The following NBEAL2 variants were observed in gnomAD, a reference collection of about 807,000 sequenced individuals.
The protein encoded by NBEAL2 is neurobeachin-like protein 2.
A neutral mutation model predicts 299.8 loss-of-function variants in NBEAL2; 160 were observed. That is an observed-to-expected ratio of 0.53 (90% confidence interval 0.47 to 0.61). The LOEUF is 0.61. Among genes scored for constraint, NBEAL2 ranks in the 20% least tolerant of loss-of-function variants. The pLI is 0.00. For synonymous variants in NBEAL2, 1,493 were observed against 1,542.3 expected, an observed-to-expected ratio of 0.97 and a Z score of 0.75; for missense variants, 3,112 against 3,649.0, an observed-to-expected ratio of 0.85 and a Z score of 3.79.
In NBEAL2 at chr3:47,007,661, C is replaced by A; in HGVS notation, c.7471C>A (p.Arg2491Ser). 2 of 1,610,066 alleles carry A rather than the reference C, an allele frequency of 1.2e-6. No homozygotes were observed. The highest frequency in any genetic ancestry group is 2.2e-5 in the East Asian group (1 of 44,694). The change falls in exon 48 of 54, where the codon CGT becomes AGT. Residue 2491 changes from arginine to serine, a missense_variant. Coordinates refer to ENST00000450053, the MANE Select transcript of NBEAL2 (RefSeq NM_015175.3). The part of the protein sequence containing the change: ...DGSLRVTALP[R>S]GKLLSQLSCH... ...CAGCCTGCGGGTGACTGCACTACCC[C>A]GTGGCAAGCTGTTGAGCCAGCTCAG...
Position 47,000,503 on chromosome 3 carries a change from T to A in NBEAL2, c.4305+99T>A. The A allele has an allele frequency of 1.4e-6, 2 of 1,455,904 alleles. No homozygotes were observed. Among genetic ancestry groups the A allele is most frequent in the Middle Eastern group, 1.9e-4 (1 of 5,266 alleles). 90.2% of individuals were successfully genotyped at this position (1,455,904 alleles called of 1,614,324 possible). On this transcript the variant is annotated intron_variant, in intron 27 of 53. Transcript: ENST00000450053. This position sits in a 1 kb window ranked among gnomAD's most constrained non-coding sequence, Gnocchi z 4.5. ...TAGCCTCTCCAAAGGTGTGGCCCTG[T>A]CTGACCAGGGTTGCAGCCACTGGTC...
At position 47,008,655 on chromosome 3, in the gene NBEAL2, C is replaced by G. The variant is rs776638505; in HGVS notation, c.8014C>G (p.Leu2672Val). 2.2e-5 allele frequency: 35 copies of G among 1,613,174 alleles called. No homozygotes were observed. Among genetic ancestry groups the G allele is most frequent in the South Asian group, 5.5e-5 (5 of 91,074 alleles). Residue 2672 changes from leucine (L) to valine (V), a missense_variant, in exon 52 of 54, where the codon CTC (leucine) becomes GTC (valine). Physicochemically the swap from Leu to Val is conservative, Grantham distance 32 (BLOSUM62 1). Around this residue, in one of 3 missense-constraint regions of NBEAL2, gnomAD observed 348 missense variants for 381.4 expected, o/e 0.91. Transcript: ENST00000450053. ...LGTAQCALHI[L>V]QLNTLLPAAP... Reference sequence around the variant, plus strand: ...CACCGCCCAGTGCGCCCTGCACATCCTCCAACTAAACACGTAAGCCCCCCA... The same window carrying G: ...CACCGCCCAGTGCGCCCTGCACATCGTCCAACTAAACACGTAAGCCCCCCA...
chr3:47,002,245 CT>C lies in NBEAL2; in HGVS notation c.5113del (p.Cys1705ValfsTer45). On this transcript the variant is annotated frameshift_variant, in exon 31 of 54. Transcript: ENST00000450053. LOFTEE classifies it high-confidence loss of function. Reference protein sequence around the residue: ...GSPTFFEDFQAFCATPEWRHF... With the variant: ...GSPTFFEDFQXFCATPEWRHF... The stretch of plus-strand genomic sequence containing the variant: ...CCCACCTTCTTTGAAGACTTCCAGG[CT>C]TTTTGTGCCACACCCGAATGGCGCC... 6.4e-7 allele frequency: 1 copy of C among 1,553,034 alleles called. No individual in the cohort carries two copies. Among genetic ancestry groups the C allele is most frequent in the Non-Finnish European group, 8.7e-7 (1 of 1,148,018 alleles).
chr3:46,991,157 C>A lies in NBEAL2; in HGVS notation c.557-62C>A, dbSNP rs2036052684. 7.0e-7 allele frequency: 1 copy of A among 1,421,702 alleles called. No homozygotes were observed. Among genetic ancestry groups the A allele is most frequent in the African/African-American group, 1.4e-5 (1 of 70,368 alleles). The allele number at this position is 1,421,702 out of a possible 1,614,324, so 88.1% of individuals were successfully genotyped here. A position where few individuals can be genotyped will look rare whatever the true frequency, so the allele number is the denominator to read the frequency against. The stretch of plus-strand genomic sequence containing the variant: ...CCCAGGGCACTCACCTCTTGTGCAG[C>A]CCCCTGGGTCCATAGCCCTGCAACC... On this transcript the variant is annotated intron_variant, in intron 6 of 53. Coordinates refer to ENST00000450053, the MANE Select transcript of NBEAL2 (RefSeq NM_015175.3). This position sits in a 1 kb window ranked among gnomAD's most constrained non-coding sequence, Gnocchi z 6.2.
chr3:47,001,484 A>T lies in NBEAL2; in HGVS notation c.4644+46A>T, dbSNP rs1001152771. On this transcript the variant is annotated intron_variant, in intron 29 of 53. Coordinates refer to ENST00000450053, the MANE Select transcript of NBEAL2 (RefSeq NM_015175.3). The surrounding 1 kb of genome is among the most constrained non-coding windows in gnomAD (Gnocchi z 6.1). ...GTGAGCCACATGAACACTCATGTTC[A>T]TGCAAGCCTGCAGGGATCTGGTCTG... 1.1e-5 allele frequency: 17 copies of T among 1,592,290 alleles called. No homozygotes were observed. Among genetic ancestry groups the T allele is most frequent in the African/African-American group, 1.3e-5 (1 of 74,430 alleles).
At position 47,002,686 on chromosome 3, in the gene NBEAL2, G is replaced by A. The variant is rs770415993; in HGVS notation, c.5343G>A (p.Glu1781=). Residue 1781 remains glutamate (E), a synonymous_variant, in exon 33 of 54, where the codon GAG becomes GAA. Transcript: ENST00000450053. The part of the protein sequence containing the change: ...LEPAQRRARL[E]GLRYTAVLKQ... ...CTGCGCAGAGGCGGGCGCGCCTGGA[G>A]GGGCTACGCTACACGGCAGTGCTGA... 9.3e-6 allele frequency: 15 copies of A among 1,605,220 alleles called. No homozygotes were observed. In the East Asian group the frequency reaches 2.9e-4, roughly 31 times the overall value.
In NBEAL2 at chr3:47,002,484, C is replaced by T. The variant is rs1377728890; in HGVS notation, c.5265C>T (p.Arg1755=). ...YDMLMSSGQR[R]QWERAQSRRA... ...TGCTTATGAGCAGTGGGCAGCGGCG[C>T]CAGTGGGAGCGCGCCCAGAGTCGTC... Residue 1755 remains arginine, a synonymous_variant, in exon 32 of 54, where the codon CGC becomes CGT. Coordinates refer to ENST00000450053, the MANE Select transcript of NBEAL2 (RefSeq NM_015175.3). The T allele has an allele frequency of 6.2e-7, 1 of 1,613,024 alleles. No homozygotes were observed. The highest frequency in any genetic ancestry group is 1.7e-5 in the Admixed American group (1 of 60,028).
rs2037410248 is a variant in NBEAL2, at chr3:47,005,958, G to A, written c.6814G>A (p.Val2272Met). ...QHRQALESEY[V>M]SAHLHEWIDL... ...TCCCTACTCTCAGGAGTCGGAGTAT[G>A]TGTCTGCACACCTACACGAGTGGAT... is the stretch of plus-strand genomic sequence containing the variant. Residue 2272 changes from valine (V) to methionine (M), a missense_variant, in exon 43 of 54, where the codon GTG becomes ATG. Coordinates refer to ENST00000450053, the MANE Select transcript of NBEAL2 (RefSeq NM_015175.3). 3.7e-6 allele frequency: 6 copies of A among 1,613,618 alleles called. No individual in the cohort carries two copies. The highest frequency in any genetic ancestry group is 1.7e-5 in the Admixed American group (1 of 60,018).
In NBEAL2 at chr3:46,989,582, C is replaced by T. The variant is rs1353425121; in HGVS notation, c.545C>T (p.Ala182Val). ...PPAALPQEFS[A>V]FFQESLQNAD... ...GCTGCTTTGCCCCAGGAATTCAGCG[C>T]CTTCTTCCAAGGTCAGGCCCCGCCC... The change falls in exon 6 of 54, where the codon GCC becomes GTC. Residue 182 changes from alanine to valine, a missense_variant. Physicochemically the swap from Ala to Val is moderately conservative, Grantham distance 64. Coordinates refer to ENST00000450053, the MANE Select transcript of NBEAL2 (RefSeq NM_015175.3). This position sits in a 1 kb window ranked among gnomAD's most constrained non-coding sequence, Gnocchi z 5.5. 2 of 1,592,022 alleles carry T rather than the reference C, an allele frequency of 1.3e-6. No individual in the cohort carries two copies. Among genetic ancestry groups the T allele is most frequent in the Non-Finnish European group, 1.7e-6 (2 of 1,169,078 alleles).
At chr3:47,007,033 C>G (rs760682950) in intron 45 of NBEAL2, 33 bp from the exon 46 acceptor site, 1 of 1,544,884 alleles carries the variant, frequency 6.5e-7, no homozygotes, top group Admixed American at 1.8e-5. Context: ...TGATAGTACT[C>G]AGGCATAGCT....
At chr3:46,997,196 G>C in intron 18 of NBEAL2, 63 bp from the exon 19 acceptor site, 1 of 1,597,532 alleles carries the variant, frequency 6.3e-7, no homozygotes, top group East Asian at 2.2e-5. Flanking sequence ...GTGGTCTGCT[G>C]GGGTGGAGTA....
rs2037449453 is a variant in NBEAL2, at chr3:47,006,417, C to T, written c.7102C>T (p.His2368Tyr). 3 of 1,591,858 alleles carry T rather than the reference C, an allele frequency of 1.9e-6. No homozygotes were observed. Among genetic ancestry groups the T allele is most frequent in the Non-Finnish European group, 1.7e-6 (2 of 1,169,058 alleles). The change falls in exon 45 of 54, where the codon CAC becomes TAC. Residue 2368 changes from histidine (H) to tyrosine (Y), a missense_variant. Physicochemically the swap from His to Tyr is moderately conservative, Grantham distance 83. This residue lies in a region of NBEAL2 where 521 missense variants were observed against 729.6 expected (regional missense o/e 0.71). Transcript: ENST00000450053. ...LDTNSPSIFQ[H>Y]LDELKAFFAE... ...CACTAACTCACCTAGCATCTTCCAG[C>T]ACCTGGACGAACTCAAGGCATTCTT...
chr3:46,997,721 G>T (rs776116569), intron 20 of NBEAL2, 27 bp downstream of exon 20: 81 of 1,472,974 alleles, frequency 5.5e-5, no homozygotes, highest in South Asian at 2.8e-5. Context: ...CAGGCATGGG[G>T]GTTAGGGGTA....
rs753512889 is a variant in NBEAL2, at chr3:46,996,449, A to C, written c.2330A>C (p.Gln777Pro). 1 of 1,607,334 alleles carries C rather than the reference A, an allele frequency of 6.2e-7. No individual in the cohort carries two copies. Among genetic ancestry groups the C allele is most frequent in the South Asian group, 1.1e-5 (1 of 90,700 alleles). The part of the protein sequence containing the change: ...GWGSGLVAPL[Q>P]EGSIDSTLAG... ...GGGTCCGGGCTGGTGGCCCCCCTGC[A>C]GGAGGGCAGCATCGACTCTACCCTC... The change falls in exon 16 of 54, where the codon CAG (glutamine) becomes CCG (proline). Residue 777 changes from glutamine (Q) to proline (P), a missense_variant. Gln to Pro is a moderately conservative substitution (Grantham distance 76, BLOSUM62 -1). Coordinates refer to ENST00000450053, the MANE Select transcript of NBEAL2 (RefSeq NM_015175.3).
rs772379491 is a variant in NBEAL2, at chr3:47,002,390, A to G, written c.5171A>G (p.Gln1724Arg). The G allele has an allele frequency of 6.2e-7, 1 of 1,613,670 alleles. No individual in the cohort carries two copies. The highest frequency in any genetic ancestry group is 8.5e-7 in the Non-Finnish European group (1 of 1,179,884). Residue 1724 changes from glutamine to arginine, a missense_variant, in exon 32 of 54, where the codon CAG becomes CGG. Gln to Arg is a conservative substitution (Grantham distance 43, BLOSUM62 1). This residue lies in a region of NBEAL2 where 2,243 missense variants were observed against 2,538.1 expected (regional missense o/e 0.88). Transcript: ENST00000450053. ...CTCCAGGTACAGCCAACCATGTCCC[A>G]GTTCGAAATGGACACGTATGCTAAG... is the stretch of plus-strand genomic sequence containing the variant. Reference protein sequence around the residue: ...IDKQVQPTMSQFEMDTYAKSH... With the variant: ...IDKQVQPTMSRFEMDTYAKSH...
Position 47,000,011 on chromosome 3 carries a change from G to A in NBEAL2, c.3912G>A (p.Pro1304=), listed in dbSNP as rs1377726129. ...LEAATAGSPP[P]SSPESPTSPK... ...CTGCCACAGCCGGCAGCCCCCCTCC[G>A]TCTTCCCCAGAGTCACCTACCTCCC... is the stretch of plus-strand genomic sequence containing the variant. Residue 1304 remains proline, a synonymous_variant, in exon 27 of 54, where the codon CCG becomes CCA. Coordinates refer to ENST00000450053, the MANE Select transcript of NBEAL2 (RefSeq NM_015175.3). This position sits in a 1 kb window ranked among gnomAD's most constrained non-coding sequence, Gnocchi z 4.5. The A allele has an allele frequency of 9.9e-6, 16 of 1,611,800 alleles. No homozygotes were observed. Among genetic ancestry groups the A allele is most frequent in the Admixed American group, 1.7e-5 (1 of 59,944 alleles).
intron 39 of NBEAL2, 31 bp downstream of exon 39, chr3:47,005,127 G>A: frequency 6.2e-7 from 1 of 1,613,900 alleles, no homozygotes; most frequent in Non-Finnish European, 8.5e-7. Flanking sequence ...GGGCTCAGCG[G>A]GTAGGGAAAG....
In NBEAL2 at chr3:47,008,125, G is replaced by C. The variant is rs144664865; in HGVS notation, c.7658G>C (p.Gly2553Ala). The C allele has an allele frequency of 2.5e-6, 4 of 1,613,996 alleles. No individual in the cohort carries two copies. The African/African-American group carries it at 4.0e-5, about 16-fold the overall frequency. Residue 2553 changes from glycine to alanine, a missense_variant, in exon 50 of 54, where the codon GGG becomes GCG. Gly to Ala is a moderately conservative substitution (Grantham distance 60). Around this residue, in one of 3 missense-constraint regions of NBEAL2, gnomAD observed 348 missense variants for 381.4 expected, o/e 0.91. Transcript: ENST00000450053. ...CCTGTGCAGGTCCTGTATGGGCATG[G>C]GGCTGCAGTGAGCTGTGTGGCCATC... is the stretch of plus-strand genomic sequence containing the variant. The part of the protein sequence containing the change: ...PKPVQVLYGH[G>A]AAVSCVAIST...
At chr3:46,987,972 A>G in intron 1 of NBEAL2, 1 of 1,274,470 alleles carries the variant, frequency 7.8e-7, no homozygotes, top group Non-Finnish European at 1.0e-6. Context: ...CCGGGGCGGG[A>G]GGAGACATTT....
Sources: allele counts gnomAD v4.1 joint callset, GRCh38; gene constraint gnomAD v4.1.1; regional missense constraint gnomAD v4.1.1; non-coding constraint Gnocchi (gnomAD v3.1); transcripts MANE v1.5; gene names NCBI Gene and HGNC (gene_info 2026-07-23, HGNC 2026-07-21).